TRMT44: variants seen among roughly 807,000 people sequenced by gnomAD.
TRMT44 encodes tRNA methyltransferase 44 homolog.
Under a neutral mutation model 77.3 loss-of-function variants are expected in TRMT44, and 78 were observed. That is an observed-to-expected ratio of 1.01 (90% CI 0.84 to 1.22). TRMT44 has a LOEUF of 1.22. Among genes scored for constraint, TRMT44 ranks in the 50% most tolerant of loss-of-function variants. The probability of loss-of-function intolerance (pLI) is 0.00; values close to 1 mark genes in which losing one functional copy is unlikely to be tolerated. For missense variants in TRMT44, 1,090 were observed against 964.4 expected (o/e 1.13, Z -1.73); for synonymous variants, 391 against 383.3 (o/e 1.02, Z -0.23).
chr4:8,494,113 C>T (rs1159539124), downstream of TRMT44, among the ~76,000 whole-genome samples: 1 of 151,454 alleles, frequency 6.6e-6, no homozygotes, highest in Non-Finnish European at 1.5e-5. Flanking sequence ...GAAAATCAAT[C>T]TCGGGACCCC....
intron 6 of TRMT44, 159 bp downstream of exon 6, chr4:8,454,972 G>T (rs1725709487): frequency 1.4e-6 from 1 of 724,148 alleles, no homozygotes; most frequent in Non-Finnish European, 2.3e-6. Flanking sequence ...GAGAAAAAGA[G>T]ACATGAAACT....
At chr4:8,514,201 C>G in the TRMT44 span, among the ~76,000 whole-genome samples, 1 of 151,258 alleles carries the variant, frequency 6.6e-6, no homozygotes, top group Non-Finnish European at 1.5e-5. Context: ...ATATCACTGC[C>G]AACAAGCCAA....
the TRMT44 span, among the ~76,000 whole-genome samples, chr4:8,501,966 G>C: frequency 2.3e-4 from 35 of 152,334 alleles, no homozygotes; most frequent in African/African-American, 7.7e-4. This position sits in a 1 kb window ranked among gnomAD's most constrained non-coding sequence, Gnocchi z 4.4. Context: ...CCTCTTCCCG[G>C]GTCCCTGGGG....
chr4:8,459,469 C>T (rs973290079), intron 6 of TRMT44, among the ~76,000 whole-genome samples: 2 of 152,140 alleles, frequency 1.3e-5, no homozygotes, highest in African/African-American at 2.4e-5. Flanking sequence ...GCCATGTGTA[C>T]GGCAAGCGGT....
At chr4:8,477,615 T>G (rs2109204872), downstream of TRMT44, 1 of 152,818 alleles carries the variant, frequency 6.5e-6, no homozygotes, top group Non-Finnish European at 1.5e-5. Flanking sequence ...GAAAGAACTC[T>G]CTTCCCAAAG....
Position 8,444,937 on chromosome 4 carries a change from G to A in TRMT44, c.620-1539G>A, listed in dbSNP as rs1724970783. Among the ~76,000 whole-genome samples the A allele has an allele frequency of 6.6e-6, 1 of 152,312 alleles. No individual in the cohort carries two copies. The highest frequency in any genetic ancestry group is 2.4e-5 in the African/African-American group (1 of 41,582). On this transcript the variant is annotated intron_variant, in intron 1 of 10. Coordinates refer to ENST00000389737, the MANE Select transcript of TRMT44 (RefSeq NM_152544.3). The surrounding 1 kb of genome is among the most constrained non-coding windows in gnomAD (Gnocchi z 4.0). ...TCATTGTGTAGCGACAACAGTGACA[G>A]CAGATTTGGGGTTGCCACACTGGGC...
In TRMT44 at chr4:8,440,995, G is replaced by T. The variant is rs1176270858; in HGVS notation, c.173G>T (p.Gly58Val). Reference protein sequence around the residue: ...SAALPCAEARGPGTSAGSEQK... With the variant: ...SAALPCAEARVPGTSAGSEQK... ...GCCCTGCCCTGCGCGGAGGCCCGCGGCCCCGGGACTAGCGCAGGCTCGGAG... is the reference window on the plus strand; with the variant it reads ...GCCCTGCCCTGCGCGGAGGCCCGCGTCCCCGGGACTAGCGCAGGCTCGGAG... Residue 58 changes from glycine to valine, a missense_variant, in exon 1 of 11, where the codon GGC (glycine) becomes GTC (valine). Coordinates refer to ENST00000389737, the MANE Select transcript of TRMT44 (RefSeq NM_152544.3). The T allele has an allele frequency of 4.6e-6, 7 of 1,520,864 alleles. No homozygotes were observed. Among genetic ancestry groups the T allele is most frequent in the Non-Finnish European group, 6.1e-6 (7 of 1,141,248 alleles). The allele number at this position is 1,520,864 out of a possible 1,614,324, so 94.2% of individuals were successfully genotyped here. A position where few individuals can be genotyped will look rare whatever the true frequency, so the allele number is the denominator to read the frequency against.
intron 6 of TRMT44, chr4:8,455,022 G>A (rs986499754): frequency 1.4e-5 from 8 of 588,584 alleles, no homozygotes; most frequent in African/African-American, 3.7e-5. Flanking sequence ...ACTGAAGGGC[G>A]CTGACCTCCA....
downstream of TRMT44, among the ~76,000 whole-genome samples, chr4:8,498,489 C>T (rs1272253873): frequency 2.6e-5 from 4 of 152,092 alleles, no homozygotes; most frequent in South Asian, 2.1e-4. The surrounding 1 kb of genome is among the most constrained non-coding windows in gnomAD (Gnocchi z 4.3). Flanking sequence ...ACAATCATGG[C>T]GGAAGGCAAA....
At chr4:8,474,690 C>T (rs777819851) in intron 10 of TRMT44, among the ~76,000 whole-genome samples, 4 of 152,228 alleles carry the variant, frequency 2.6e-5, no homozygotes, top group Non-Finnish European at 5.9e-5. Flanking sequence ...TTTATTCCCC[C>T]GAGCCTTCTG....
chr4:8,500,405 A>C, the TRMT44 span, among the ~76,000 whole-genome samples: 5 of 151,926 alleles, frequency 3.3e-5, no homozygotes, highest in Non-Finnish European at 7.4e-5. Flanking sequence ...GGCATAAGAG[A>C]GAATCGGTTG....
chr4:8,452,807 A>C lies in TRMT44; in HGVS notation c.1024-75A>C, dbSNP rs1182704436. On this transcript the variant is annotated intron_variant, in intron 4 of 10. Transcript: ENST00000389737. The surrounding 1 kb of genome is among the most constrained non-coding windows in gnomAD (Gnocchi z 5.7). ...TTCCTTTCACTCAGAGTTTTCTTTG[A>C]CCAGTTTGTGTCTAAATTATTCTTG... 1 of 775,334 alleles carries C rather than the reference A, an allele frequency of 1.3e-6. No individual in the cohort carries two copies. The highest frequency in any genetic ancestry group is 2.0e-6 in the Non-Finnish European group (1 of 502,658). 48.0% of individuals were successfully genotyped at this position (775,334 alleles called of 1,614,324 possible). A position where few individuals can be genotyped will look rare whatever the true frequency, so the allele number is the denominator to read the frequency against.
In TRMT44 at chr4:8,467,951, C is replaced by G. The variant is rs1341498299; in HGVS notation, c.1532C>G (p.Ser511Cys). Reference sequence around the variant, plus strand: ...GGAAAATCCAGAACATACCCTTCCTCCAGAGAAGCTTCCGTGGATGAAAAG... The same window carrying G: ...GGAAAATCCAGAACATACCCTTCCTGCAGAGAAGCTTCCGTGGATGAAAAG... Reference protein sequence around the residue: ...LVGKSRTYPSSREASVDEKRT... With the variant: ...LVGKSRTYPSCREASVDEKRT... The change falls in exon 9 of 11, where the codon TCC (serine) becomes TGC (cysteine). Residue 511 changes from serine (S) to cysteine (C), a missense_variant. By Grantham distance (112) the Ser-to-Cys change is moderately radical. Coordinates refer to ENST00000389737, the MANE Select transcript of TRMT44 (RefSeq NM_152544.3). 3 of 1,613,480 alleles carry G rather than the reference C, an allele frequency of 1.9e-6. No homozygotes were observed. Among genetic ancestry groups the G allele is most frequent in the Non-Finnish European group, 2.5e-6 (3 of 1,179,590 alleles).
At chr4:8,486,623 C>T (rs1727813466) in intron 2 of TRMT44, among the ~76,000 whole-genome samples, 1 of 151,760 alleles carries the variant, frequency 6.6e-6, no homozygotes, top group African/African-American at 2.4e-5. Flanking sequence ...GGGTTGCTGC[C>T]AAACGAGCCG....
intron 7 of TRMT44, among the ~76,000 whole-genome samples, chr4:8,465,081 G>A (rs1726435349): frequency 6.6e-6 from 1 of 152,152 alleles, no homozygotes. Context: ...GAGTGAGGGA[G>A]AGGGCAGAGT....
chr4:8,464,395 C>T (rs1414087715), intron 7 of TRMT44, among the ~76,000 whole-genome samples: 4 of 152,262 alleles, frequency 2.6e-5, no homozygotes, highest in South Asian at 2.1e-4. Context: ...TATTTATATC[C>T]GGTGTCAAAA....
downstream of TRMT44, among the ~76,000 whole-genome samples, chr4:8,480,116 T>G (rs749533338): frequency 2.0e-5 from 3 of 152,120 alleles, no homozygotes; most frequent in Non-Finnish European, 2.9e-5. Flanking sequence ...TTGTCAGTGG[T>G]GAATTCACAT....
the TRMT44 span, among the ~76,000 whole-genome samples, chr4:8,513,950 G>C: frequency 5.9e-5 from 9 of 152,302 alleles, no homozygotes; most frequent in Admixed American, 5.9e-4. Context: ...TCAATGCTTT[G>C]AACCACTTGG....
chr4:8,493,773 C>G (rs1359601159), downstream of TRMT44, among the ~76,000 whole-genome samples: 1 of 152,010 alleles, frequency 6.6e-6, no homozygotes, highest in East Asian at 1.9e-4. Flanking sequence ...CTGGCTCTTT[C>G]AGCAGCTGTC....
Sources: gnomAD v4.1 joint callset for allele counts (sites outside exome capture counted in the v4.1 genomes callset) on GRCh38, gnomAD v4.1.1 for gene constraint, Gnocchi (gnomAD v3.1) non-coding constraint, MANE v1.5 for transcripts, NCBI Gene and HGNC (gene_info 2026-07-23, HGNC 2026-07-21) for gene names.